ZFHX3: variants seen among roughly 807,000 people sequenced by gnomAD.
The protein encoded by ZFHX3 is zinc finger homeobox 3.
ZFHX3 carries 42 observed loss-of-function variants against 279.1 expected under a neutral mutation model. That is an observed-to-expected ratio of 0.15 (90% confidence interval 0.12 to 0.19). ZFHX3 has a LOEUF of 0.19. Ranked by LOEUF, ZFHX3 falls within the 10% of genes least tolerant of loss-of-function variation. ZFHX3 has a pLI of 1.00. For missense variants in ZFHX3, 4,981 were observed against 4,754.0 expected (o/e 1.05, Z -1.40); for synonymous variants, 2,293 against 1,957.8 (o/e 1.17, Z -4.52).
chr16:73,817,978 A>G (rs976408914), intron 1 of ZFHX3, among the ~76,000 whole-genome samples: 1 of 152,188 alleles, frequency 6.6e-6, no homozygotes, highest in African/African-American at 2.4e-5. Context: ...CAAGTGTACG[A>G]AAGTTAAAAG....
chr16:73,066,842 T>G (rs746560690), intron 8 of ZFHX3, among the ~76,000 whole-genome samples: 10 of 152,088 alleles, frequency 6.6e-5, no homozygotes, highest in Admixed American at 2.0e-4. Context: ...GGCTGCCTAG[T>G]CTCTTTAGGG....
At chr16:72,933,943 C>T (rs1959969639) in intron 3 of ZFHX3, among the ~76,000 whole-genome samples, 5 of 151,626 alleles carry the variant, frequency 3.3e-5, no homozygotes, top group Admixed American at 6.6e-5. Flanking sequence ...CTCAGCCTCC[C>T]GAGTAGCTGG....
At chr16:73,102,897 G>A (rs1203955599) in intron 7 of ZFHX3, among the ~76,000 whole-genome samples, 5 of 152,136 alleles carry the variant, frequency 3.3e-5, no homozygotes, top group African/African-American at 1.2e-4. Context: ...GGTAGCCATT[G>A]GGTACTGGTG....
intron 3 of ZFHX3, among the ~76,000 whole-genome samples, chr16:73,331,015 G>GA (rs1314433985): frequency 6.6e-6 from 1 of 152,062 alleles, no homozygotes; most frequent in Non-Finnish European, 1.5e-5. Flanking sequence ...ACACTGCTAT[G>GA]AAAAAATACC....
chr16:73,205,752 G>A (rs545657791), intron 5 of ZFHX3, among the ~76,000 whole-genome samples: 26 of 152,206 alleles, frequency 1.7e-4, no homozygotes, highest in African/African-American at 5.3e-4. Flanking sequence ...AGTCCTTAGC[G>A]CTCATCATTC....
At chr16:73,413,514 C>G (rs543174865) in intron 3 of ZFHX3, among the ~76,000 whole-genome samples, 1 of 152,278 alleles carries the variant, frequency 6.6e-6, no homozygotes, top group South Asian at 2.1e-4. Flanking sequence ...GTGGAAACAG[C>G]ACTTAGAAGC....
intron 4 of ZFHX3, among the ~76,000 whole-genome samples, chr16:72,870,429 G>C (rs1170222532): frequency 6.7e-6 from 1 of 149,710 alleles, no homozygotes; most frequent in African/African-American, 2.5e-5. Flanking sequence ...AAAAAAAACG[G>C]CTGGGCACGG....
intron 1 of ZFHX3, among the ~76,000 whole-genome samples, chr16:73,688,528 C>T (rs2053115116): frequency 6.6e-6 from 1 of 152,114 alleles, no homozygotes; most frequent in South Asian, 2.1e-4. Context: ...TGTAAGGACA[C>T]AGTGCAAAGG....
chr16:73,830,873 C>T (rs1230838885), intron 1 of ZFHX3, among the ~76,000 whole-genome samples: 1 of 152,140 alleles, frequency 6.6e-6, no homozygotes, highest in Non-Finnish European at 1.5e-5. Flanking sequence ...CCAGCAAGTT[C>T]AAAATCTCGA....
At chr16:72,928,650 C>T (rs1466475849) in intron 3 of ZFHX3, among the ~76,000 whole-genome samples, 1 of 152,178 alleles carries the variant, frequency 6.6e-6, no homozygotes, top group African/African-American at 2.4e-5. Context: ...ACCTCCCTCA[C>T]CAGTAGCACT....
chr16:73,654,236 A>C (rs1301410022), intron 2 of ZFHX3, among the ~76,000 whole-genome samples: 1 of 152,070 alleles, frequency 6.6e-6, no homozygotes, highest in East Asian at 1.9e-4. Flanking sequence ...CTTCCTCTCA[A>C]CACATTTAAG....
chr16:72,999,253 G>T (rs369572235), intron 1 of ZFHX3, among the ~76,000 whole-genome samples: 1 of 152,114 alleles, frequency 6.6e-6, no homozygotes, highest in African/African-American at 2.4e-5. Context: ...AGGTTCCCAG[G>T]TTCAAGCAAT....
At chr16:73,553,421 C>T (rs991722222) in intron 2 of ZFHX3, among the ~76,000 whole-genome samples, 1 of 152,114 alleles carries the variant, frequency 6.6e-6, no homozygotes, top group Non-Finnish European at 1.5e-5. Flanking sequence ...ATCAGGGACT[C>T]TAGCCCCCAC....
chr16:73,606,417 C>T (rs543187600), intron 2 of ZFHX3, among the ~76,000 whole-genome samples: 8 of 148,326 alleles, frequency 5.4e-5, no homozygotes, highest in African/African-American at 1.5e-4. Flanking sequence ...ACCCGAGAGG[C>T]GGAGGTTGCA....
intron 3 of ZFHX3, among the ~76,000 whole-genome samples, chr16:72,938,840 T>C (rs893979799): frequency 2.0e-5 from 3 of 152,058 alleles, no homozygotes; most frequent in Admixed American, 6.5e-5. Flanking sequence ...CCATCACTAA[T>C]GTGAACCCAG....
At chr16:73,494,529 T>A (rs1051889275) in intron 2 of ZFHX3, among the ~76,000 whole-genome samples, 1 of 152,148 alleles carries the variant, frequency 6.6e-6, no homozygotes, top group African/African-American at 2.4e-5. Context: ...CTGTGTATAT[T>A]AAAACTCCCC....
intron 3 of ZFHX3, among the ~76,000 whole-genome samples, chr16:73,330,389 T>C (rs1424696845): frequency 2.0e-5 from 3 of 152,146 alleles, no homozygotes; most frequent in Non-Finnish European, 4.4e-5. Flanking sequence ...TGATTACACG[T>C]GTGGTTTAGG....
chr16:73,047,414 G>A (rs148826873), intron 1 of ZFHX3, among the ~76,000 whole-genome samples: 2 of 152,148 alleles, frequency 1.3e-5, no homozygotes, highest in East Asian at 3.9e-4. Context: ...GGCTGAAAAG[G>A]GTGCATTTTT....
At chr16:73,263,753 C>T (rs1323531396) in intron 4 of ZFHX3, among the ~76,000 whole-genome samples, 1 of 152,150 alleles carries the variant, frequency 6.6e-6, no homozygotes, top group Admixed American at 6.5e-5. Context: ...GACTCTAGAC[C>T]CCTGTTACTG....
Sources: allele counts gnomAD v4.1 joint callset (sites outside exome capture counted in the v4.1 genomes callset), GRCh38; gene constraint gnomAD v4.1.1; transcripts MANE v1.5; gene names NCBI Gene and HGNC (gene_info 2026-07-23, HGNC 2026-07-21).